The following ADAMTS2 variants were observed in gnomAD, a reference collection of about 807,000 sequenced individuals.
The protein encoded by ADAMTS2 is ADAM metallopeptidase with thrombospondin type 1 motif 2.
In ADAMTS2, 50 loss-of-function variants were observed where a neutral mutation model predicts 123.0. That is an observed-to-expected ratio of 0.41 (90% CI 0.32 to 0.51). The LOEUF (loss-of-function observed/expected upper bound fraction) is 0.51. ADAMTS2 is among the 20% of genes least tolerant of loss of function. The pLI, the probability that ADAMTS2 is intolerant of heterozygous loss-of-function variation, is 0.35. For missense variants in ADAMTS2, 1,494 were observed against 1,705.2 expected, an observed-to-expected ratio of 0.88 and a Z score of 2.18; for synonymous variants, 678 against 695.4, an observed-to-expected ratio of 0.98 and a Z score of 0.39.
intron 1 of ADAMTS2, among the ~76,000 whole-genome samples, chr5:179,344,875 GCTCCCCC>G (rs1005001150): frequency 8.5e-5 from 13 of 152,294 alleles, no homozygotes; most frequent in African/African-American, 2.6e-4. Flanking sequence ...CCTCGCCCTG[GCTCCCCC>G]CTCGGACCCG....
At chr5:179,218,867 AC>A (rs1470889050) in intron 3 of ADAMTS2, among the ~76,000 whole-genome samples, 1 of 152,028 alleles carries the variant, frequency 6.6e-6, no homozygotes, top group Non-Finnish European at 1.5e-5. Flanking sequence ...CTCAGAACAT[AC>A]CCCCGCACAG....
At chr5:179,208,032 G>A (rs1764749491) in intron 3 of ADAMTS2, among the ~76,000 whole-genome samples, 5 of 150,422 alleles carry the variant, frequency 3.3e-5, no homozygotes, top group Admixed American at 3.3e-4. Flanking sequence ...GAGACTGTGA[G>A]AGACCCAGCC....
rs1763138270 is a variant in ADAMTS2 at position 179,140,148 on chromosome 5, CA to C, written c.1630-114del. On this transcript the variant is annotated intron_variant, in intron 10 of 21. Coordinates refer to ENST00000251582, the MANE Select transcript of ADAMTS2 (RefSeq NM_014244.5). The stretch of plus-strand genomic sequence containing the variant: ...CACGTCCTGGCCCCACTCTGGGGCA[CA>C]GGGGGAGCTCACCCTCCTCGCCCCT... The C allele has an allele frequency of 2.0e-6, 3 of 1,498,640 alleles. No homozygotes were observed. In the African/African-American group the frequency reaches 4.1e-5, roughly 21 times the overall value. 92.8% of individuals were successfully genotyped at this position (1,498,640 alleles called of 1,614,324 possible). A position where few individuals can be genotyped will look rare whatever the true frequency, so the allele number is the denominator to read the frequency against.
intron 4 of ADAMTS2, among the ~76,000 whole-genome samples, chr5:179,182,889 T>G (rs1764079961): frequency 6.6e-6 from 1 of 152,146 alleles, no homozygotes; most frequent in African/African-American, 2.4e-5. Flanking sequence ...ATCTCGCCCC[T>G]GTGGCTGACA....
chr5:179,150,557 G>A (rs1763335448), intron 10 of ADAMTS2, among the ~76,000 whole-genome samples: 1 of 152,154 alleles, frequency 6.6e-6, no homozygotes, highest in Non-Finnish European at 1.5e-5. Flanking sequence ...CACCAAATGT[G>A]GCACACCCAC....
intron 2 of ADAMTS2, among the ~76,000 whole-genome samples, chr5:179,321,055 C>A (rs1757157881): frequency 6.6e-6 from 1 of 152,198 alleles, no homozygotes; most frequent in Non-Finnish European, 1.5e-5. Flanking sequence ...TTTCTTTTTG[C>A]AGATTAACCA....
intron 2 of ADAMTS2, among the ~76,000 whole-genome samples, chr5:179,290,058 C>T (rs997524754): frequency 4.6e-5 from 7 of 152,180 alleles, no homozygotes; most frequent in South Asian, 2.1e-4. Flanking sequence ...TGGAGTGCTA[C>T]GGTTAGAATG....
intron 10 of ADAMTS2, chr5:179,151,088 G>T: frequency 2.8e-6 from 1 of 360,326 alleles, no homozygotes; most frequent in Non-Finnish European, 5.8e-6. Context: ...GTAGAGACGG[G>T]ATTTTGCCAT....
intron 7 of ADAMTS2, among the ~76,000 whole-genome samples, chr5:179,154,434 G>T (rs537464808): frequency 7.9e-5 from 12 of 152,248 alleles, no homozygotes; most frequent in East Asian, 3.9e-4. Flanking sequence ...ATGCACACCT[G>T]GGGGGGACCG....
chr5:179,209,253 G>A (rs551400268), intron 3 of ADAMTS2, among the ~76,000 whole-genome samples: 3 of 152,208 alleles, frequency 2.0e-5, no homozygotes, highest in East Asian at 1.9e-4. Flanking sequence ...CAGCATGGCC[G>A]ACTCTCGGCC....
At chr5:179,151,450 C>T (rs1263063741) in intron 10 of ADAMTS2, among the ~76,000 whole-genome samples, 3 of 152,146 alleles carry the variant, frequency 2.0e-5, no homozygotes, top group African/African-American at 7.2e-5. Flanking sequence ...CTGGGATGTG[C>T]ACCGGTGTCC....
intron 2 of ADAMTS2, among the ~76,000 whole-genome samples, chr5:179,316,568 G>A (rs970377501): frequency 2.0e-5 from 3 of 152,236 alleles, no homozygotes; most frequent in African/African-American, 7.2e-5. Context: ...GAACCTGTGA[G>A]CTCCAAGAGA....
chr5:179,198,051 G>A (rs980892499), intron 4 of ADAMTS2, among the ~76,000 whole-genome samples: 1 of 152,184 alleles, frequency 6.6e-6, no homozygotes, highest in Non-Finnish European at 1.5e-5. Context: ...AATGTCACCT[G>A]TGTCCCAGCC....
At chr5:179,337,498 C>T (rs1728796358) in intron 2 of ADAMTS2, among the ~76,000 whole-genome samples, 1 of 152,220 alleles carries the variant, frequency 6.6e-6, no homozygotes, top group Non-Finnish European at 1.5e-5. Context: ...GCACACACTC[C>T]CGCCATGCAC....
At chr5:179,119,316 C>T (rs796158922) in intron 21 of ADAMTS2, among the ~76,000 whole-genome samples, 8 of 152,224 alleles carry the variant, frequency 5.3e-5, no homozygotes, top group South Asian at 2.1e-4. Flanking sequence ...GGCTAGCCCC[C>T]GGGCCCGGCC....
Position 179,180,854 on chromosome 5 carries a change from A to T in ADAMTS2, c.975+218T>A, listed in dbSNP as rs1337422559. Reference sequence around the variant, plus strand: ...TCTCTTCCTCTTGGGATCTGGGAGTAACAGACTCTTTTCAGTGAACAATAG... The same window carrying T: ...TCTCTTCCTCTTGGGATCTGGGAGTTACAGACTCTTTTCAGTGAACAATAG... On this transcript the variant is annotated intron_variant, in intron 5 of 21. Transcript: ENST00000251582. This position sits in a 1 kb window ranked among gnomAD's most constrained non-coding sequence, Gnocchi z 4.6. Among the ~76,000 whole-genome samples, 1 of 152,168 alleles carries T rather than the reference A, an allele frequency of 6.6e-6. No homozygotes were observed. Among genetic ancestry groups the T allele is most frequent in the Non-Finnish European group, 1.5e-5 (1 of 68,036 alleles).
intron 5 of ADAMTS2, among the ~76,000 whole-genome samples, chr5:179,176,199 G>A (rs371800925): frequency 6.6e-6 from 1 of 152,250 alleles, no homozygotes; most frequent in East Asian, 1.9e-4. Flanking sequence ...TCTGTTACTA[G>A]TTTTCTGGGG....
At position 179,137,805 on chromosome 5, in the gene ADAMTS2, C is replaced by T. The variant is rs767211796; in HGVS notation, c.1915G>A (p.Ala639Thr). 14 of 1,574,428 alleles carry T rather than the reference C, an allele frequency of 8.9e-6. No homozygotes were observed. The South Asian group carries it at 1.0e-4, about 12-fold the overall frequency. Residue 639 changes from alanine (A) to threonine (T), a missense_variant, in exon 12 of 22, where the codon GCC becomes ACC. Around this residue, in one of 6 missense-constraint regions of ADAMTS2, gnomAD observed 953 missense variants for 1,124.7 expected, o/e 0.85. Coordinates refer to ENST00000251582, the MANE Select transcript of ADAMTS2 (RefSeq NM_014244.5). ...TCGTGGGGCAGCCAGTGGTGCTGGG[C>T]GTCGCCGTGCTCGAAGTACAGGTCC... is the stretch of plus-strand genomic sequence containing the variant. The part of the protein sequence containing the change: ...QWDLYFEHGD[A>T]QHHWLPHEHR...
At chr5:179,135,847 T>C in intron 13 of ADAMTS2, 62 bp downstream of exon 13, 2 of 1,608,926 alleles carry the variant, frequency 1.2e-6, no homozygotes, top group South Asian at 2.2e-5. Context: ...AAGGGGGAGG[T>C]CAGTACCCAG....
Sources: allele counts gnomAD v4.1 joint callset (sites outside exome capture counted in the v4.1 genomes callset), GRCh38; gene constraint gnomAD v4.1.1; regional missense constraint gnomAD v4.1.1; non-coding constraint Gnocchi (gnomAD v3.1); transcripts MANE v1.5; gene names NCBI Gene and HGNC (gene_info 2026-07-23, HGNC 2026-07-21).